MGAT4C: variants seen among roughly 807,000 people sequenced by gnomAD.
MGAT4C encodes alpha-1,3-mannosyl-glycoprotein 4-beta-N-acetylglucosaminyltransferase C.
A neutral mutation model predicts 40.1 loss-of-function variants in MGAT4C; 19 were observed. The observed-to-expected ratio is 0.47, with a 90% CI of 0.33 to 0.70. The LOEUF (loss-of-function observed/expected upper bound fraction) is 0.70. MGAT4C is among the 30% of genes least tolerant of loss of function. The probability of loss-of-function intolerance (pLI) is 0.02; values close to 1 mark genes in which losing one functional copy is unlikely to be tolerated. For synonymous variants in MGAT4C, 181 were observed against 187.1 expected (o/e 0.97, Z 0.27); for missense variants, 491 against 563.2 (o/e 0.87, Z 1.30).
intron 2 of MGAT4C, among the ~76,000 whole-genome samples, chr12:86,010,532 G>A (rs1326460019): frequency 6.6e-6 from 1 of 152,138 alleles, no homozygotes; most frequent in Non-Finnish European, 1.5e-5. Flanking sequence ...ACAAAAATTA[G>A]CCATGCGTGG....
chr12:86,650,439 C>T (rs758899104), intron 2 of MGAT4C, among the ~76,000 whole-genome samples: 18 of 151,790 alleles, frequency 1.2e-4, no homozygotes, highest in South Asian at 6.2e-4. Context: ...CTGTCTACAG[C>T]GCCAGAAATG....
chr12:86,145,038 A>C (rs1183292509), intron 1 of MGAT4C, among the ~76,000 whole-genome samples: 1 of 152,170 alleles, frequency 6.6e-6, no homozygotes, highest in African/African-American at 2.4e-5. Flanking sequence ...ATCAAAAGCA[A>C]CTGCAGAAAC....
rs11103868 is a variant in MGAT4C at position 86,147,442 on chromosome 12, C to T, written c.-56-97719G>A. 3.3e-3 allele frequency among the ~76,000 whole-genome samples: 502 copies of T among 152,222 alleles called. 1 individual carries two copies. The highest frequency in any genetic ancestry group is 0.01 in the Middle Eastern group (3 of 294). On this transcript the variant is annotated intron_variant, in intron 1 of 4. Coordinates refer to ENST00000611864, the MANE Select transcript of MGAT4C (RefSeq NM_001351288.2). ...ATTTTTAGTAGAGACGGGGTTTCAC[C>T]GTGTTAGCCAGGATGGTCTGGATCT...
In MGAT4C at chr12:85,959,349, C is replaced by G. The variant is rs1246494448; in HGVS notation, c.*19940G>C. 1 of 152,012 alleles carries G rather than the reference C, an allele frequency of 6.6e-6. No homozygotes were observed. Among genetic ancestry groups the G allele is most frequent in the Non-Finnish European group, 1.5e-5 (1 of 67,940 alleles). The allele number at this position is 152,012 out of a possible 1,614,324, so 9.4% of individuals were successfully genotyped here. A position where few individuals can be genotyped will look rare whatever the true frequency, so the allele number is the denominator to read the frequency against. ...GCTGAAAAAAGAGGGGGTATAAAAT[C>G]TAAAGTTTGGTAAATCTTTGCTTTA... On this transcript the variant is annotated 3_prime_UTR_variant, in exon 5 of 5. Coordinates refer to ENST00000611864, the MANE Select transcript of MGAT4C (RefSeq NM_001351288.2).
At chr12:86,491,984 C>A (rs1386349330) in intron 2 of MGAT4C, among the ~76,000 whole-genome samples, 1 of 152,112 alleles carries the variant, frequency 6.6e-6, no homozygotes, top group Admixed American at 6.5e-5. Flanking sequence ...AAATCACAAG[C>A]ATTCTTATAC....
chr12:86,418,345 A>G (rs1483217721), intron 3 of MGAT4C, among the ~76,000 whole-genome samples: 1 of 152,062 alleles, frequency 6.6e-6, no homozygotes, highest in African/African-American at 2.4e-5. Context: ...GCTCATGCCT[A>G]TAATCCCAAC....
intron 2 of MGAT4C, among the ~76,000 whole-genome samples, chr12:86,664,109 T>G (rs1964043505): frequency 6.6e-6 from 1 of 151,956 alleles, no homozygotes; most frequent in South Asian, 2.1e-4. Context: ...GAACACTGTT[T>G]ATCATCTGGC....
chr12:86,780,447 G>C (rs1340847720), intron 1 of MGAT4C, among the ~76,000 whole-genome samples: 2 of 152,056 alleles, frequency 1.3e-5, no homozygotes, highest in African/African-American at 4.8e-5. Flanking sequence ...TGGATCATGG[G>C]GGCAGATTTC....
chr12:86,041,664 T>C (rs757431528), intron 2 of MGAT4C, among the ~76,000 whole-genome samples: 8 of 152,226 alleles, frequency 5.3e-5, no homozygotes, highest in African/African-American at 1.9e-4. Context: ...TAAATTCTTA[T>C]AGTGCTGTGG....
In MGAT4C at chr12:86,214,971, C is replaced by A. The variant is rs551729359; in HGVS notation, c.-57+41268G>T. 5.9e-5 allele frequency among the ~76,000 whole-genome samples: 9 copies of A among 152,198 alleles called. No individual in the cohort carries two copies. In the East Asian group the frequency reaches 1.7e-3, roughly 29 times the overall value. ...GTTTCTTGTAGATTCAATTTTCCAA[C>A]TTATTCTATTTTGAGATTCTATTTT... is the stretch of plus-strand genomic sequence containing the variant. On this transcript the variant is annotated intron_variant, in intron 1 of 4. Coordinates refer to ENST00000611864, the MANE Select transcript of MGAT4C (RefSeq NM_001351288.2).
At chr12:86,798,489 C>T (rs538223109) in intron 1 of MGAT4C, among the ~76,000 whole-genome samples, 45 of 152,018 alleles carry the variant, frequency 3.0e-4, no homozygotes, top group African/African-American at 9.4e-4. Context: ...TCATTATGTG[C>T]ATCTCTTTTT....
At chr12:86,295,386 C>G (rs981123130) in intron 4 of MGAT4C, among the ~76,000 whole-genome samples, 2 of 152,164 alleles carry the variant, frequency 1.3e-5, no homozygotes, top group South Asian at 2.1e-4. Context: ...GTGAGTGTTA[C>G]AGCTCTTAAG....
At chr12:86,332,211 C>T (rs541375919) in intron 4 of MGAT4C, among the ~76,000 whole-genome samples, 4 of 152,152 alleles carry the variant, frequency 2.6e-5, no homozygotes, top group South Asian at 4.1e-4. Flanking sequence ...ACTTTTGTCA[C>T]GGCATGCTAA....
chr12:86,688,312 G>A (rs1374477313), intron 2 of MGAT4C, among the ~76,000 whole-genome samples: 1 of 151,988 alleles, frequency 6.6e-6, no homozygotes, highest in Non-Finnish European at 1.5e-5. Flanking sequence ...TTGCCAGTCT[G>A]TGTCTTTTAA....
At chr12:86,638,648 TA>T (rs1963292429) in intron 2 of MGAT4C, among the ~76,000 whole-genome samples, 1 of 151,850 alleles carries the variant, frequency 6.6e-6, no homozygotes, top group African/African-American at 2.4e-5. Flanking sequence ...CTGCCAAGTT[TA>T]ATTTACTTGT....
chr12:86,582,431 C>T (rs1960824057), intron 2 of MGAT4C, among the ~76,000 whole-genome samples: 1 of 151,132 alleles, frequency 6.6e-6, no homozygotes, highest in East Asian at 1.9e-4. Context: ...TGTTTAGAGC[C>T]AATTTGTTTG....
intron 2 of MGAT4C, among the ~76,000 whole-genome samples, chr12:86,715,034 C>T (rs1017453360): frequency 6.6e-6 from 1 of 152,010 alleles, no homozygotes; most frequent in South Asian, 2.1e-4. Context: ...CACCATGTCA[C>T]ATGGAAACTT....
At chr12:86,491,469 T>C (rs1428327952) in intron 2 of MGAT4C, among the ~76,000 whole-genome samples, 1 of 151,686 alleles carries the variant, frequency 6.6e-6, no homozygotes, top group African/African-American at 2.4e-5. Flanking sequence ...GCTTCATCCC[T>C]GGGATGCAAG....
intron 1 of MGAT4C, among the ~76,000 whole-genome samples, chr12:86,107,953 A>T (rs1876517871): frequency 6.6e-6 from 1 of 152,154 alleles, no homozygotes; most frequent in African/African-American, 2.4e-5. Context: ...TATAGGGCAA[A>T]CCAACATGAA....
Sources: allele counts gnomAD v4.1 joint callset (sites outside exome capture counted in the v4.1 genomes callset), GRCh38; gene constraint gnomAD v4.1.1; transcripts MANE v1.5; gene names NCBI Gene and HGNC (gene_info 2026-07-23, HGNC 2026-07-21).